The following GLRA3 variants were observed in gnomAD, a reference collection of about 807,000 sequenced individuals.
GLRA3 encodes the protein glycine receptor subunit alpha-3.
In GLRA3, 44 loss-of-function variants were observed where a neutral mutation model predicts 60.4. The ratio of observed to expected loss-of-function variants is 0.73; its 90% CI spans 0.57 to 0.94. The LOEUF (loss-of-function observed/expected upper bound fraction) is 0.94. Ranked by LOEUF, GLRA3 falls within the 40% of genes least tolerant of loss-of-function variation. GLRA3 has a pLI of 0.00. For missense variants in GLRA3, 508 were observed against 564.6 expected (o/e 0.90, Z 1.02); for synonymous variants, 223 against 192.9 (o/e 1.16, Z -1.29).
intron 1 of GLRA3, among the ~76,000 whole-genome samples, chr4:174,797,393 T>C (rs1348796954): frequency 6.6e-6 from 1 of 152,206 alleles, no homozygotes. Flanking sequence ...CCTCCCACAC[T>C]TCACTCTTCT....
intron 5 of GLRA3, among the ~76,000 whole-genome samples, chr4:174,711,333 C>T (rs994903709): frequency 4.0e-5 from 6 of 151,268 alleles, no homozygotes; most frequent in Non-Finnish European, 8.8e-5. Flanking sequence ...TTGTACAATC[C>T]AGTAAATTGT....
intron 2 of GLRA3, among the ~76,000 whole-genome samples, chr4:174,784,326 G>GAA (rs1739029091): frequency 7.2e-6 from 1 of 139,600 alleles, no homozygotes; most frequent in African/African-American, 2.7e-5. Context: ...GTGGGGTGCG[G>GAA]GGAGGGGGGA....
chr4:174,812,577 C>T (rs902059943), intron 1 of GLRA3, among the ~76,000 whole-genome samples: 1 of 151,940 alleles, frequency 6.6e-6, no homozygotes, highest in Non-Finnish European at 1.5e-5. Flanking sequence ...AAAAAAGAGT[C>T]TATAATTAAA....
At chr4:174,697,116 G>C (rs547742069) in intron 5 of GLRA3, among the ~76,000 whole-genome samples, 1 of 152,080 alleles carries the variant, frequency 6.6e-6, no homozygotes, top group Non-Finnish European at 1.5e-5. Flanking sequence ...TTTACACAAC[G>C]GGTAAATATA....
At chr4:174,656,837 A>G (rs1733225518) in intron 8 of GLRA3, 50 bp from the exon 9 acceptor site, 1 of 1,002,432 alleles carries the variant, frequency 1.0e-6, no homozygotes, top group Non-Finnish European at 1.6e-6. Context: ...CAGAGAATCA[A>G]TTCATATATG....
At chr4:174,684,385 G>A (rs1044615896) in intron 5 of GLRA3, among the ~76,000 whole-genome samples, 2 of 152,158 alleles carry the variant, frequency 1.3e-5, no homozygotes, top group African/African-American at 2.4e-5. Context: ...GTTTGTGGAA[G>A]TGGAAACCTT....
chr4:174,709,316 G>A (rs1242461961), intron 5 of GLRA3, among the ~76,000 whole-genome samples: 1 of 151,900 alleles, frequency 6.6e-6, no homozygotes, highest in Non-Finnish European at 1.5e-5. Flanking sequence ...ATTTAAAACA[G>A]TTAGTGAAAA....
intron 1 of GLRA3, among the ~76,000 whole-genome samples, chr4:174,818,469 A>G (rs532279997): frequency 4.6e-4 from 70 of 152,286 alleles, no homozygotes; most frequent in African/African-American, 1.5e-3. Flanking sequence ...ACTTAGGGGG[A>G]AATATTTAGG....
At chr4:174,802,160 C>T (rs1433442471) in intron 1 of GLRA3, among the ~76,000 whole-genome samples, 1 of 151,986 alleles carries the variant, frequency 6.6e-6, no homozygotes, top group African/African-American at 2.4e-5. Flanking sequence ...TAACCTTTCT[C>T]ATTTCTCATC....
At chr4:174,721,006 T>C (rs1486418218) in intron 4 of GLRA3, among the ~76,000 whole-genome samples, 1 of 110,776 alleles carries the variant, frequency 9.0e-6, no homozygotes, top group Non-Finnish European at 1.8e-5. Context: ...CTGTGTGAAC[T>C]TTGTGTGTGT....
chr4:174,684,729 T>C (rs1734489117), intron 5 of GLRA3, among the ~76,000 whole-genome samples: 1 of 152,138 alleles, frequency 6.6e-6, no homozygotes, highest in Non-Finnish European at 1.5e-5. Context: ...TAAAAGCGCT[T>C]GGGCGCAGTG....
chr4:174,694,450 A>T (rs1418170052), intron 5 of GLRA3, among the ~76,000 whole-genome samples: 1 of 152,216 alleles, frequency 6.6e-6, no homozygotes, highest in African/African-American at 2.4e-5. Context: ...AAAAGCATGC[A>T]AACACATGAC....
rs781521504 is a variant in GLRA3 at position 174,704,568 on chromosome 4, A to G, written c.574+10920T>C. Among the ~76,000 whole-genome samples, 35 of 143,740 alleles carry G rather than the reference A, an allele frequency of 2.4e-4. 3 individuals carry two copies. Among genetic ancestry groups the G allele is most frequent in the Non-Finnish European group, 5.3e-4 (34 of 64,752 alleles). The allele number at this position is 143,740 out of a possible 152,430, so 94.3% of individuals were successfully genotyped here. On this transcript the variant is annotated intron_variant, in intron 5 of 9. Transcript: ENST00000274093. ...TTTAAATAATTAAAAATGAATGACCATATTATCTAGCAATTTTACCTCTGG... is the reference window on the plus strand; with the variant it reads ...TTTAAATAATTAAAAATGAATGACCGTATTATCTAGCAATTTTACCTCTGG...
chr4:174,778,997 T>G (rs545936846), intron 2 of GLRA3, among the ~76,000 whole-genome samples: 352 of 152,210 alleles, frequency 2.3e-3, no homozygotes, highest in African/African-American at 7.7e-3. Flanking sequence ...CCTGCCTCTG[T>G]AGGCTCCACC....
In GLRA3 at chr4:174,640,327, AT is replaced by A. The variant is rs549064698; in HGVS notation, c.*3458del. The A allele has an allele frequency of 1.1e-3, 174 of 152,134 alleles. No homozygotes were observed. Among genetic ancestry groups the A allele is most frequent in the African/African-American group, 3.9e-3 (162 of 41,536 alleles). 9.4% of individuals were successfully genotyped at this position (152,134 alleles called of 1,614,324 possible). Reference sequence around the variant, plus strand: ...TTTCCATTTACAAAATACTGCAAGTATTTTCCATTTCAATTTTGGCAAGTCT... The same window carrying A: ...TTTCCATTTACAAAATACTGCAAGTATTTCCATTTCAATTTTGGCAAGTCT... On this transcript the variant is annotated 3_prime_UTR_variant, in exon 10 of 10. Transcript: ENST00000274093.
intron 1 of GLRA3, among the ~76,000 whole-genome samples, chr4:174,804,687 A>G (rs1230122482): frequency 6.6e-6 from 1 of 152,150 alleles, no homozygotes; most frequent in Non-Finnish European, 1.5e-5. Context: ...TAAGAGTGGA[A>G]ATTTAATAGG....
At position 174,734,797 on chromosome 4, in the gene GLRA3, G is replaced by A. The variant is rs142976035; in HGVS notation, c.268-6099C>T. ...ACAATACAAAGCTGTATTCCATTAA[G>A]AATACTACCCATTCTGTACACTCGA... On this transcript the variant is annotated intron_variant, in intron 3 of 9. Transcript: ENST00000274093. 1.9e-3 allele frequency among the ~76,000 whole-genome samples: 282 copies of A among 152,222 alleles called. 1 individual carries two copies. Among genetic ancestry groups the A allele is most frequent in the Middle Eastern group, 6.8e-3 (2 of 294 alleles).
rs963541924 is a variant in GLRA3 at position 174,650,339 on chromosome 4, C to T, written c.1117-6275G>A. 3.3e-5 allele frequency among the ~76,000 whole-genome samples: 5 copies of T among 152,132 alleles called. No homozygotes were observed. The South Asian group carries it at 6.2e-4, about 19-fold the overall frequency. ...AGCAGACTGTGAGAGATCTAAAGCA[C>T]GCAGTAGCCAAGCTGGTCCCTCTGA... On this transcript the variant is annotated intron_variant, in intron 9 of 9. Transcript: ENST00000274093.
intron 2 of GLRA3, among the ~76,000 whole-genome samples, chr4:174,775,753 T>C (rs1432479975): frequency 2.0e-5 from 3 of 152,206 alleles, no homozygotes; most frequent in Admixed American, 6.5e-5. Flanking sequence ...AACATGCTTC[T>C]AGTTTCAGAT....
Sources: gnomAD v4.1 joint callset for allele counts (sites outside exome capture counted in the v4.1 genomes callset) on GRCh38, gnomAD v4.1.1 for gene constraint, MANE v1.5 for transcripts, NCBI Gene and HGNC (gene_info 2026-07-23, HGNC 2026-07-21) for gene names.